FILIP1L: variants seen among roughly 807,000 people sequenced by gnomAD.
The protein encoded by FILIP1L is filamin A interacting protein 1 like.
FILIP1L carries 55 observed loss-of-function variants against 96.6 expected under a neutral mutation model. The observed-to-expected ratio is 0.57, with a 90% confidence interval of 0.46 to 0.71. The LOEUF (loss-of-function observed/expected upper bound fraction) is 0.71, where lower values mean the gene tolerates loss of function less well. FILIP1L is among the 30% of genes least tolerant of loss of function. The pLI is 0.00. For missense variants in FILIP1L, 1,304 were observed against 1,321.2 expected, an observed-to-expected ratio of 0.99 and a Z score of 0.20; for synonymous variants, 467 against 473.9, an observed-to-expected ratio of 0.99 and a Z score of 0.19.
intron 1 of FILIP1L, among the ~76,000 whole-genome samples, chr3:100,096,487 T>C (rs993535104): frequency 6.6e-6 from 1 of 152,236 alleles, no homozygotes; most frequent in Non-Finnish European, 1.5e-5. Flanking sequence ...GAGGTCATTA[T>C]GTTAAGTGAA....
At chr3:100,079,714 G>A (rs1012877699) in intron 1 of FILIP1L, among the ~76,000 whole-genome samples, 2 of 151,896 alleles carry the variant, frequency 1.3e-5, no homozygotes, top group African/African-American at 4.8e-5. Context: ...TTAGGTACCT[G>A]TATTCACACT....
At chr3:99,970,987 G>T (rs1451878868) in intron 1 of FILIP1L, among the ~76,000 whole-genome samples, 1 of 152,186 alleles carries the variant, frequency 6.6e-6, no homozygotes, top group South Asian at 2.1e-4. Context: ...TTGAAGAGGA[G>T]GGGCTGTATT....
At chr3:99,903,283 G>A (rs912227688) in intron 4 of FILIP1L, among the ~76,000 whole-genome samples, 2 of 150,452 alleles carry the variant, frequency 1.3e-5, no homozygotes, top group African/African-American at 2.4e-5. Flanking sequence ...ACGGAATCTC[G>A]CTCTGTCACC....
At chr3:99,880,428 A>G (rs1315652455) in intron 4 of FILIP1L, among the ~76,000 whole-genome samples, 1 of 152,146 alleles carries the variant, frequency 6.6e-6, no homozygotes, top group Non-Finnish European at 1.5e-5. Flanking sequence ...GACCCTCTTT[A>G]CTTTTATCTG....
At chr3:99,840,191 T>C (rs1943069250) in intron 5 of FILIP1L, among the ~76,000 whole-genome samples, 1 of 151,458 alleles carries the variant, frequency 6.6e-6, no homozygotes, top group African/African-American at 2.4e-5. Context: ...GCTGATAGGA[T>C]TAGGGGTAAA....
intron 1 of FILIP1L, among the ~76,000 whole-genome samples, chr3:100,001,605 G>A (rs939249505): frequency 1.3e-5 from 2 of 152,166 alleles, no homozygotes; most frequent in African/African-American, 4.8e-5. Context: ...TGGGGAGGGA[G>A]TGGGAGACAT....
At chr3:99,983,474 A>ATATATGTGTATGTGTG (rs1709223966) in intron 1 of FILIP1L, among the ~76,000 whole-genome samples, 3 of 16,706 alleles carry the variant, frequency 1.8e-4, no homozygotes, top group Non-Finnish European at 2.4e-4. Context: ...GTATATATAT[A>ATATATGTGTATGTGTG]TATATATATA....
chr3:100,003,480 G>A (rs772872270), intron 1 of FILIP1L, among the ~76,000 whole-genome samples: 2 of 152,140 alleles, frequency 1.3e-5, no homozygotes, highest in African/African-American at 4.8e-5. Flanking sequence ...GCGTTCACAT[G>A]CATTTTTTCT....
chr3:100,111,605 T>C (rs964722232), intron 1 of FILIP1L, among the ~76,000 whole-genome samples: 1 of 152,150 alleles, frequency 6.6e-6, no homozygotes, highest in African/African-American at 2.4e-5. Context: ...TCTTTCAGTG[T>C]AGGCTCCAGT....
chr3:99,997,875 A>C (rs1489077184), intron 1 of FILIP1L, among the ~76,000 whole-genome samples: 1 of 152,264 alleles, frequency 6.6e-6, no homozygotes, highest in Non-Finnish European at 1.5e-5. Flanking sequence ...AATAAAATGT[A>C]AACTAAAGTA....
intron 1 of FILIP1L, among the ~76,000 whole-genome samples, chr3:100,059,713 T>C (rs779118295): frequency 6.6e-6 from 1 of 152,154 alleles, no homozygotes; most frequent in Non-Finnish European, 1.5e-5. Flanking sequence ...ATTACACAAC[T>C]CCAGCTGACT....
chr3:99,995,833 CAG>C lies in FILIP1L; in HGVS notation c.-10-64805_-10-64804del, dbSNP rs558389464. ...AGCAATGGCCAGAGCAGCTGGGACACAGGGCACCAAGTCCCTGGGCTGCACAC... is the reference window on the plus strand; with the variant it reads ...AGCAATGGCCAGAGCAGCTGGGACACGGCACCAAGTCCCTGGGCTGCACAC... On this transcript the variant is annotated intron_variant, in intron 1 of 5. Transcript: ENST00000477258. Among the ~76,000 whole-genome samples the C allele has an allele frequency of 1.7e-3, 259 of 152,298 alleles. 1 individual carries two copies. Among genetic ancestry groups the C allele is most frequent in the African/African-American group, 6.1e-3 (255 of 41,562 alleles).
intron 4 of FILIP1L, among the ~76,000 whole-genome samples, chr3:99,892,654 C>T (rs1452492109): frequency 1.3e-5 from 2 of 152,154 alleles, no homozygotes; most frequent in Non-Finnish European, 2.9e-5. Context: ...GGAGAAGGTG[C>T]CATCTCTTCT....
intron 1 of FILIP1L, among the ~76,000 whole-genome samples, chr3:99,938,546 C>G (rs947061268): frequency 1.3e-5 from 2 of 152,190 alleles, no homozygotes; most frequent in African/African-American, 2.4e-5. Context: ...GGCAGACTGT[C>G]TGCTATCTTT....
At chr3:99,917,199 G>A (rs1706980897) in intron 4 of FILIP1L, among the ~76,000 whole-genome samples, 1 of 152,132 alleles carries the variant, frequency 6.6e-6, no homozygotes, top group African/African-American at 2.4e-5. Context: ...CTGGCTGTTG[G>A]ATAATTACTG....
chr3:99,981,896 C>A (rs1394817950), intron 1 of FILIP1L, among the ~76,000 whole-genome samples: 3 of 152,246 alleles, frequency 2.0e-5, no homozygotes, highest in South Asian at 4.1e-4. Flanking sequence ...CCCAGCAAGG[C>A]GGGAGGATCG....
At chr3:99,891,461 C>A (rs1422999756) in intron 4 of FILIP1L, among the ~76,000 whole-genome samples, 1 of 152,174 alleles carries the variant, frequency 6.6e-6, no homozygotes, top group Non-Finnish European at 1.5e-5. Flanking sequence ...CACTTTTATT[C>A]AGTCTTTGGC....
chr3:99,876,461 G>GT (rs1283526054), intron 4 of FILIP1L, among the ~76,000 whole-genome samples: 1 of 152,254 alleles, frequency 6.6e-6, no homozygotes, highest in East Asian at 1.9e-4. Flanking sequence ...CGATCCGCTT[G>GT]TAACTTTTTT....
chr3:99,958,195 C>A (rs1018393179), intron 1 of FILIP1L, among the ~76,000 whole-genome samples: 1 of 141,452 alleles, frequency 7.1e-6, no homozygotes, highest in East Asian at 2.0e-4. Flanking sequence ...GGTATTAAGC[C>A]CTGCATGCAT....
Sources: gnomAD v4.1 joint callset for allele counts (sites outside exome capture counted in the v4.1 genomes callset) on GRCh38, gnomAD v4.1.1 for gene constraint, MANE v1.5 for transcripts, NCBI Gene and HGNC (gene_info 2026-07-23, HGNC 2026-07-21) for gene names.